GABRA3: variants seen among roughly 807,000 people sequenced by gnomAD.
GABRA3 encodes the protein gamma-aminobutyric acid type A receptor subunit alpha3, also known as gamma-aminobutyric acid receptor subunit alpha-3.
A neutral mutation model predicts 30.1 loss-of-function variants in GABRA3; 10 were observed. The ratio of observed to expected loss-of-function variants is 0.33; its 90% CI spans 0.20 to 0.56. The LOEUF is 0.56. Among genes scored for constraint, GABRA3 ranks in the 20% least tolerant of loss-of-function variants. The pLI is 0.89. For synonymous variants in GABRA3, 151 were observed against 146.8 expected (o/e 1.03, Z -0.21); for missense variants, 233 against 392.0 (o/e 0.59, Z 3.42).
intron 3 of GABRA3, among the ~76,000 whole-genome samples, chrX:152,338,783 C>T (rs1008400207): frequency 1.8e-5 from 2 of 111,970 alleles, no homozygotes; most frequent in African/African-American, 3.2e-5. Context: ...TTTGTTGAAG[C>T]GACTGTCCTT....
chrX:152,327,672 T>TA (rs1489189208), intron 3 of GABRA3, among the ~76,000 whole-genome samples: 1 of 111,603 alleles, frequency 9.0e-6, no homozygotes, highest in Non-Finnish European at 1.9e-5. Context: ...AGACACAACA[T>TA]ACCAGAATCT....
intron 3 of GABRA3, among the ~76,000 whole-genome samples, chrX:152,299,639 T>C (rs1372820167): frequency 9.0e-6 from 1 of 111,517 alleles, no homozygotes; most frequent in African/African-American, 3.3e-5. Context: ...AAAACTGAAA[T>C]TAAAACAAAA....
At chrX:152,359,051 C>T (rs1225941507) in intron 2 of GABRA3, among the ~76,000 whole-genome samples, 4 of 111,560 alleles carry the variant, frequency 3.6e-5, no homozygotes, top group South Asian at 3.8e-4. Flanking sequence ...GTTTTGGTAT[C>T]AGGATGATGC....
intron 4 of GABRA3, among the ~76,000 whole-genome samples, chrX:152,278,631 G>T: frequency 9.0e-6 from 1 of 111,184 alleles, no homozygotes; most frequent in African/African-American, 3.3e-5. Context: ...ACCCAGTAAT[G>T]GGAGGGCTGG....
At position 152,292,885 on chromosome X, in the gene GABRA3, T is replaced by A. The variant is rs191517537; in HGVS notation, c.263-8150A>T. On this transcript the variant is annotated intron_variant, in intron 3 of 9. Transcript: ENST00000370314. Reference sequence around the variant, plus strand: ...TTTGAGTGAGTTTCTTAATCCTGAGTTCTAACTTGATTGCACTGTGGTCTG... The same window carrying A: ...TTTGAGTGAGTTTCTTAATCCTGAGATCTAACTTGATTGCACTGTGGTCTG... 1.7e-3 allele frequency among the ~76,000 whole-genome samples: 195 copies of A among 112,044 alleles called. 1 individual carries two copies. Among genetic ancestry groups the A allele is most frequent in the African/African-American group, 6.0e-3 (185 of 30,850 alleles).
intron 3 of GABRA3, among the ~76,000 whole-genome samples, chrX:152,295,572 G>A (rs568843408): frequency 8.9e-6 from 1 of 112,867 alleles, no homozygotes; most frequent in East Asian, 2.8e-4. Context: ...ATTTGGGCGG[G>A]AGTGTCCCAT....
rs773409703 is a variant in GABRA3 at position 152,268,785 on chromosome X, G to T, written c.331-12787C>A. On this transcript the variant is annotated intron_variant, in intron 4 of 9. Transcript: ENST00000370314. ...AGGTTTTGTGATGTTGCCCAGGCTG[G>T]TCTTGAACTCCTGAGCTCAAGGGAT... Among the ~76,000 whole-genome samples, 61 of 111,481 alleles carry T rather than the reference G, an allele frequency of 5.5e-4. 1 individual carries two copies. The highest frequency in any genetic ancestry group is 2.9e-3 in the Admixed American group (31 of 10,518).
intron 9 of GABRA3, among the ~76,000 whole-genome samples, chrX:152,177,759 C>T (rs768890743): frequency 9.0e-6 from 1 of 111,317 alleles, no homozygotes; most frequent in Non-Finnish European, 1.9e-5. Context: ...AATTGAAAAA[C>T]AAAGAGAGAA....
At chrX:152,310,968 T>C (rs949764052) in intron 3 of GABRA3, among the ~76,000 whole-genome samples, 4 of 110,971 alleles carry the variant, frequency 3.6e-5, no homozygotes, top group African/African-American at 1.3e-4. Context: ...TGGAAGAAAC[T>C]GATAAATTCC....
At chrX:152,323,996 T>C (rs1272342995) in intron 3 of GABRA3, among the ~76,000 whole-genome samples, 1 of 112,381 alleles carries the variant, frequency 8.9e-6, no homozygotes, top group Non-Finnish European at 1.9e-5. Context: ...TATCCAACCT[T>C]ACATCCCCAG....
Position 152,440,114 on chromosome X carries a change from A to C in GABRA3, c.-27+11032T>G, listed in dbSNP as rs1360673161. On this transcript the variant is annotated intron_variant, in intron 1 of 9. Coordinates refer to ENST00000370314, the MANE Select transcript of GABRA3 (RefSeq NM_000808.4). ...CTACAGAATGGGAGAAAATTTTTGC[A>C]ATCTATCCAACTGACAAAGGGCTAA... 5.3e-5 allele frequency among the ~76,000 whole-genome samples: 6 copies of C among 112,284 alleles called. No individual in the cohort carries two copies. In the East Asian group the frequency reaches 1.7e-3, roughly 32 times the overall value.
intron 3 of GABRA3, among the ~76,000 whole-genome samples, chrX:152,287,894 T>C (rs1240961996): frequency 1.8e-5 from 2 of 110,830 alleles, no homozygotes; most frequent in African/African-American, 6.6e-5. Flanking sequence ...GAAGAAGGGA[T>C]TTGGTGTCCA....
intron 8 of GABRA3, among the ~76,000 whole-genome samples, chrX:152,197,144 T>G (rs1344427517): frequency 1.8e-5 from 2 of 112,331 alleles, no homozygotes; most frequent in Non-Finnish European, 3.7e-5. Flanking sequence ...ATGGCTTTGA[T>G]CGTGGGTACT....
At chrX:152,387,876 C>T (rs1225916919) in intron 1 of GABRA3, among the ~76,000 whole-genome samples, 5 of 110,988 alleles carry the variant, frequency 4.5e-5, no homozygotes, top group African/African-American at 1.6e-4. Context: ...AACAATCTTG[C>T]AGCATGAATA....
chrX:152,334,342 T>A (rs187866847), intron 3 of GABRA3, among the ~76,000 whole-genome samples: 1 of 111,692 alleles, frequency 9.0e-6, no homozygotes, highest in East Asian at 2.8e-4. Context: ...CTATTCAACA[T>A]TATATGTGAA....
chrX:152,175,250 A>ATT (rs72105011), intron 9 of GABRA3, among the ~76,000 whole-genome samples: 68 of 102,357 alleles, frequency 6.6e-4, no homozygotes, highest in African/African-American at 2.2e-3. Context: ...ATAGCAATGG[A>ATT]TTTTTTTTTT....
chrX:152,294,301 A>AT (rs1251248629), intron 3 of GABRA3, among the ~76,000 whole-genome samples: 1 of 110,782 alleles, frequency 9.0e-6, no homozygotes, highest in African/African-American at 3.3e-5. Context: ...ATAGTCCCAT[A>AT]TTTCTTGGAG....
rs79233716 is a variant in GABRA3 at position 152,337,453 on chromosome X, T to C, written c.262+8128A>G. Among the ~76,000 whole-genome samples the C allele has an allele frequency of 1.6e-3, 177 of 111,561 alleles. 7 individuals carry two copies. In the East Asian group the frequency reaches 0.048, roughly 30 times the overall value. On this transcript the variant is annotated intron_variant, in intron 3 of 9. Coordinates refer to ENST00000370314, the MANE Select transcript of GABRA3 (RefSeq NM_000808.4). Reference sequence around the variant, plus strand: ...TAAGGTCCACACATGAGTGAGAACATGTGATATTTGTCTTTCTGTGCTTGG... The same window carrying C: ...TAAGGTCCACACATGAGTGAGAACACGTGATATTTGTCTTTCTGTGCTTGG...
intron 5 of GABRA3, among the ~76,000 whole-genome samples, chrX:152,242,227 A>C (rs918530347): frequency 9.0e-6 from 1 of 111,529 alleles, no homozygotes; most frequent in Non-Finnish European, 1.9e-5. Flanking sequence ...GGATATCCAC[A>C]TACAGAAGAA....
Sources: gnomAD v4.1 joint callset for allele counts (sites outside exome capture counted in the v4.1 genomes callset) on GRCh38, gnomAD v4.1.1 for gene constraint, MANE v1.5 for transcripts, NCBI Gene and HGNC (gene_info 2026-07-23, HGNC 2026-07-21) for gene names.